Variants in MEI4 observed in about 807,000 individuals in gnomAD.
MEI4 encodes meiosis-specific protein MEI4.
A neutral mutation model predicts 31.4 loss-of-function variants in MEI4; 27 were observed. That is an observed-to-expected ratio of 0.86 (90% CI 0.63 to 1.19). The LOEUF (loss-of-function observed/expected upper bound fraction) is 1.19, where lower values mean the gene tolerates loss of function less well. Among genes scored for constraint, MEI4 ranks in the 50% most tolerant of loss-of-function variants. The probability of loss-of-function intolerance (pLI) is 0.00; values close to 1 mark genes in which losing one functional copy is unlikely to be tolerated. For missense variants in MEI4, 329 were observed against 398.9 expected, an observed-to-expected ratio of 0.82 and a Z score of 1.49; for synonymous variants, 122 against 145.4, an observed-to-expected ratio of 0.84 and a Z score of 1.16.
intron 1 of MEI4, among the ~76,000 whole-genome samples, 196 bp from the exon 2 acceptor site, chr6:77,690,462 G>A (rs904463754): frequency 6.6e-6 from 1 of 151,862 alleles, no homozygotes; most frequent in African/African-American, 2.4e-5. Flanking sequence ...TATTTAATAT[G>A]CATGTGTGTG....
intron 4 of MEI4, among the ~76,000 whole-genome samples, chr6:77,916,913 TC>T (rs70974694): frequency 0.01 from 1,356 of 133,162 alleles, 20 homozygotes; most frequent in African/African-American, 0.035. Context: ...ATGCTATCCC[TC>T]CCCCCCTACC....
chr6:77,893,856 T>C (rs1766021981), intron 4 of MEI4, among the ~76,000 whole-genome samples: 1 of 152,190 alleles, frequency 6.6e-6, no homozygotes, highest in South Asian at 2.1e-4. Context: ...GAAAACTATC[T>C]CATAGTTTTA....
intron 1 of MEI4, among the ~76,000 whole-genome samples, chr6:77,678,098 C>T (rs1478108301): frequency 6.6e-6 from 1 of 152,126 alleles, no homozygotes. Context: ...AAGGCTAGTT[C>T]TTATTGCTTG....
At chr6:77,797,028 T>C (rs1769097401) in intron 3 of MEI4, among the ~76,000 whole-genome samples, 1 of 152,050 alleles carries the variant, frequency 6.6e-6, no homozygotes, top group Non-Finnish European at 1.5e-5. Flanking sequence ...ACCTCAAAAA[T>C]AAACACACAT....
chr6:77,787,975 G>C (rs1286972487), intron 3 of MEI4, among the ~76,000 whole-genome samples: 2 of 152,094 alleles, frequency 1.3e-5, no homozygotes, highest in African/African-American at 4.8e-5. Flanking sequence ...ATTTTGTTGT[G>C]TCTCTGCCAG....
intron 3 of MEI4, among the ~76,000 whole-genome samples, chr6:77,779,980 C>T (rs1306712859): frequency 2.0e-5 from 3 of 152,082 alleles, no homozygotes; most frequent in African/African-American, 7.2e-5. Flanking sequence ...TGGAAAATAA[C>T]AAGTATTCTA....
chr6:77,715,711 A>G (rs374243444), intron 2 of MEI4, among the ~76,000 whole-genome samples: 10 of 152,306 alleles, frequency 6.6e-5, no homozygotes, highest in East Asian at 5.8e-4. Flanking sequence ...AGTGTTAGCT[A>G]TGGAATCACG....
intron 1 of MEI4, among the ~76,000 whole-genome samples, chr6:77,658,450 C>T (rs556272397): frequency 6.6e-6 from 1 of 152,124 alleles, no homozygotes; most frequent in South Asian, 2.1e-4. Flanking sequence ...GGCTTGGGCT[C>T]AGAGGCCTGA....
chr6:77,801,481 A>G (rs1006185876), intron 3 of MEI4, among the ~76,000 whole-genome samples: 2 of 151,712 alleles, frequency 1.3e-5, no homozygotes, highest in African/African-American at 4.8e-5. Context: ...TTGTGTCTCT[A>G]TTTCCTTCAG....
chr6:77,897,062 T>G (rs1319170955), intron 4 of MEI4, among the ~76,000 whole-genome samples: 2 of 152,044 alleles, frequency 1.3e-5, no homozygotes, highest in African/African-American at 2.4e-5. Context: ...TGTTATTATT[T>G]CCAAGTTTTA....
intron 2 of MEI4, among the ~76,000 whole-genome samples, chr6:77,734,657 T>A (rs1430971056): frequency 6.6e-6 from 1 of 152,046 alleles, no homozygotes; most frequent in Non-Finnish European, 1.5e-5. Context: ...AATATTATTA[T>A]GTGTGAATTT....
At chr6:77,675,085 C>A (rs1003956181) in intron 1 of MEI4, among the ~76,000 whole-genome samples, 5 of 80,822 alleles carry the variant, frequency 6.2e-5, no homozygotes, top group African/African-American at 3.5e-4. Flanking sequence ...CGTAATTTAT[C>A]ATTTTTATTA....
Position 77,710,700 on chromosome 6 carries a change from C to G in MEI4, c.232+19797C>G, listed in dbSNP as rs1045153923. Among the ~76,000 whole-genome samples the G allele has an allele frequency of 3.3e-5, 5 of 152,140 alleles. No homozygotes were observed. In the East Asian group the frequency reaches 9.6e-4, roughly 29 times the overall value. On this transcript the variant is annotated intron_variant, in intron 2 of 4. Coordinates refer to ENST00000684080, the MANE Select transcript of MEI4 (RefSeq NM_001322247.2). ...TAGGCAGTGACTCTCAACCCTAGCT[C>G]TGCATTACAATCATTTGGGGAGCTG...
chr6:77,874,687 T>G (rs892232673), intron 4 of MEI4, among the ~76,000 whole-genome samples: 1 of 152,134 alleles, frequency 6.6e-6, no homozygotes, highest in Non-Finnish European at 1.5e-5. Flanking sequence ...TTGTGCCAGT[T>G]TTCAAAGGGA....
intron 4 of MEI4, among the ~76,000 whole-genome samples, chr6:77,883,315 C>T (rs1447743293): frequency 3.3e-5 from 5 of 152,006 alleles, no homozygotes; most frequent in Admixed American, 6.6e-5. Context: ...GAACATTTCT[C>T]ATCTTCTAGC....
intron 3 of MEI4, among the ~76,000 whole-genome samples, chr6:77,825,032 T>C (rs1028085572): frequency 5.7e-5 from 8 of 141,286 alleles, no homozygotes; most frequent in African/African-American, 2.3e-4. Flanking sequence ...AATTTTATTT[T>C]ACAGAATTCA....
chr6:77,674,998 C>A (rs1419216986), intron 1 of MEI4, among the ~76,000 whole-genome samples: 1 of 150,748 alleles, frequency 6.6e-6, no homozygotes, highest in Admixed American at 6.6e-5. Context: ...GTAACTAGTT[C>A]ATTTATTTTT....
At chr6:77,683,596 C>G (rs1409416908) in intron 1 of MEI4, among the ~76,000 whole-genome samples, 13 of 152,130 alleles carry the variant, frequency 8.5e-5, no homozygotes, top group African/African-American at 3.1e-4. Context: ...CATTCTATCT[C>G]TGTCTCTATA....
chr6:77,667,160 T>C (rs1031761099), intron 1 of MEI4, among the ~76,000 whole-genome samples: 1 of 152,184 alleles, frequency 6.6e-6, no homozygotes, highest in African/African-American at 2.4e-5. Context: ...GATACTAAAT[T>C]TCACAATACA....
Sources: gnomAD v4.1 joint callset for allele counts (sites outside exome capture counted in the v4.1 genomes callset) on GRCh38, gnomAD v4.1.1 for gene constraint, MANE v1.5 for transcripts, NCBI Gene and HGNC (gene_info 2026-07-23, HGNC 2026-07-21) for gene names.